MED13: variants seen among roughly 807,000 people sequenced by gnomAD.
MED13 encodes the protein mediator of RNA polymerase II transcription subunit 13.
In MED13, 23 loss-of-function variants were observed where a neutral mutation model predicts 225.2. That is an observed-to-expected ratio of 0.10 (90% CI 0.07 to 0.14). The LOEUF is 0.14. Among genes scored for constraint, MED13 ranks in the 10% least tolerant of loss-of-function variants. MED13 has a pLI of 1.00. For missense variants in MED13, 2,197 were observed against 2,594.5 expected, an observed-to-expected ratio of 0.85 and a Z score of 3.33; for synonymous variants, 942 against 889.2, an observed-to-expected ratio of 1.06 and a Z score of -1.06.
chr17:61,970,152 T>C (rs960882977), intron 17 of MED13, among the ~76,000 whole-genome samples: 1 of 152,212 alleles, frequency 6.6e-6, no homozygotes, highest in Non-Finnish European at 1.5e-5. Flanking sequence ...GCAGAAACTA[T>C]TATTAACTTC....
In MED13 at chr17:61,998,596, CT is replaced by C. The variant is rs58261678; in HGVS notation, c.1968-3232del. On this transcript the variant is annotated intron_variant, in intron 9 of 29. Coordinates refer to ENST00000397786, the MANE Select transcript of MED13 (RefSeq NM_005121.3). ...AATAATGTCAAAATCTTCCCACCGC[CT>C]TTTTTTTTTTTTTTTTTTTTTTGAG... 6.5e-3 allele frequency among the ~76,000 whole-genome samples: 751 copies of C among 115,532 alleles called. 2 individuals carry two copies. The highest frequency in any genetic ancestry group is 0.029 in the Middle Eastern group (6 of 210). The allele number at this position is 115,532 out of a possible 152,430, so 75.8% of individuals were successfully genotyped here. A position where few individuals can be genotyped will look rare whatever the true frequency, so the allele number is the denominator to read the frequency against.
rs148391388 is a variant in MED13, at chr17:61,943,848, A to T, written c.*2620T>A. 6.6e-6 allele frequency: 1 copy of T among 152,400 alleles called. No individual in the cohort carries two copies. Among genetic ancestry groups the T allele is most frequent in the Non-Finnish European group, 1.5e-5 (1 of 67,942 alleles). 9.4% of individuals were successfully genotyped at this position (152,400 alleles called of 1,614,324 possible). ...CTTAATAATCATGGATACCTGCACA[A>T]AAAAAAAGATGTTAGCACTGTAACA... On this transcript the variant is annotated 3_prime_UTR_variant, in exon 30 of 30. Transcript: ENST00000397786.
At chr17:62,010,338 A>G in intron 9 of MED13, 1 of 389,734 alleles carries the variant, frequency 2.6e-6, no homozygotes, top group Admixed American at 4.4e-5. Context: ...AAGTGTTTAC[A>G]CATTATTTTC....
intron 20 of MED13, among the ~76,000 whole-genome samples, chr17:61,963,197 T>C (rs754149383): frequency 1.5e-3 from 63 of 40,980 alleles, no homozygotes; most frequent in Non-Finnish European, 1.7e-3. Context: ...TTGCCTTAAA[T>C]TTACCAAAAA....
At chr17:61,948,213 A>T (rs2079866625) in intron 28 of MED13, among the ~76,000 whole-genome samples, 1 of 152,168 alleles carries the variant, frequency 6.6e-6, no homozygotes, top group Admixed American at 6.5e-5. Context: ...AATAAGATAT[A>T]TGAAAAAAAA....
At chr17:62,000,567 GA>G (rs1045596862) in intron 9 of MED13, among the ~76,000 whole-genome samples, 4 of 152,008 alleles carry the variant, frequency 2.6e-5, no homozygotes, top group African/African-American at 9.7e-5. Flanking sequence ...AATTAAGGTG[GA>G]AAAAAACCTA....
At chr17:61,954,754 G>T (rs2079927299) in intron 26 of MED13, among the ~76,000 whole-genome samples, 1 of 152,126 alleles carries the variant, frequency 6.6e-6, no homozygotes, top group Non-Finnish European at 1.5e-5. Flanking sequence ...TCCAGCTTGG[G>T]AGACAGAGTG....
At chr17:61,997,097 G>C (rs2143526467) in intron 9 of MED13, among the ~76,000 whole-genome samples, 1 of 152,230 alleles carries the variant, frequency 6.6e-6, no homozygotes, top group African/African-American at 2.4e-5. Flanking sequence ...TAGCAATGAA[G>C]GTATTTGCAG....
intron 16 of MED13, among the ~76,000 whole-genome samples, chr17:61,975,594 T>C (rs533858858): frequency 3.2e-3 from 490 of 152,278 alleles, no homozygotes; most frequent in Middle Eastern, 0.014. Context: ...TGGTGCATGC[T>C]TGTAATCCCA....
intron 8 of MED13, among the ~76,000 whole-genome samples, chr17:62,014,357 C>T (rs2080542409): frequency 6.7e-6 from 1 of 149,630 alleles, no homozygotes; most frequent in African/African-American, 2.5e-5. Flanking sequence ...CACTCTGTCA[C>T]CCAGGCTGGA....
At chr17:61,947,552 C>A (rs899993207) in intron 28 of MED13, among the ~76,000 whole-genome samples, 1 of 152,118 alleles carries the variant, frequency 6.6e-6, no homozygotes, top group African/African-American at 2.4e-5. Context: ...TTTATGACTA[C>A]GCAGACATAC....
intron 20 of MED13, among the ~76,000 whole-genome samples, chr17:61,963,202 C>CAAAAAAAAAAAAAAAAAAA (rs11290002): frequency 1.3e-4 from 7 of 55,768 alleles, no homozygotes; most frequent in African/African-American, 2.2e-4. Context: ...TTAAATTTAC[C>CAAAAAAAAAAAAAAAAAAA]AAAAAAAAAA....
intron 4 of MED13, 83 bp downstream of exon 4, chr17:62,035,377 CCAT>C (rs2080793581): frequency 8.9e-7 from 1 of 1,119,966 alleles, no homozygotes; most frequent in Non-Finnish European, 1.2e-6. Flanking sequence ...AGGGGGAATT[CCAT>C]CAATCCCCAA....
chr17:62,017,640 C>T (rs962022934), intron 8 of MED13, among the ~76,000 whole-genome samples: 2 of 152,168 alleles, frequency 1.3e-5, no homozygotes, highest in Admixed American at 6.6e-5. Context: ...AGCAACTGAA[C>T]ATGAATCAAA....
At chr17:61,979,275 A>C (rs1022498937) in intron 16 of MED13, among the ~76,000 whole-genome samples, 1 of 152,244 alleles carries the variant, frequency 6.6e-6, no homozygotes. Flanking sequence ...ATAACATTCC[A>C]TCTGTACTAT....
At chr17:62,050,518 C>T (rs2080947658) in intron 3 of MED13, among the ~76,000 whole-genome samples, 1 of 151,194 alleles carries the variant, frequency 6.6e-6, no homozygotes, top group South Asian at 2.1e-4. Flanking sequence ...AAAAAGTCCA[C>T]TAGATTAATC....
intron 8 of MED13, among the ~76,000 whole-genome samples, chr17:62,015,873 G>GTT (rs2080561767): frequency 1.1e-5 from 1 of 89,068 alleles, no homozygotes; most frequent in Non-Finnish European, 2.1e-5. Flanking sequence ...GTGTATGTGT[G>GTT]TGTGTATATA....
At position 62,011,099 on chromosome 17, in the gene MED13, A is replaced by G; in HGVS notation, c.1418T>C (p.Leu473Ser). ...EKSEKPQKRPLTPFHHRVSVS... is the reference protein window; with the variant it reads ...EKSEKPQKRPSTPFHHRVSVS... ...AGACACACGATGGTGAAAAGGAGTC[A>G]AGGGGCGTTTCTGTGGCTTTTCACT... The change falls in exon 9 of 30, where the codon TTG (leucine) becomes TCG (serine). Residue 473 changes from leucine (L) to serine (S), a missense_variant. Coordinates refer to ENST00000397786, the MANE Select transcript of MED13 (RefSeq NM_005121.3). 1 of 1,614,214 alleles carries G rather than the reference A, an allele frequency of 6.2e-7. No individual in the cohort carries two copies. Among genetic ancestry groups the G allele is most frequent in the Non-Finnish European group, 8.5e-7 (1 of 1,180,036 alleles).
chr17:62,022,175 AT>A (rs67759682), intron 8 of MED13, among the ~76,000 whole-genome samples: 42,807 of 103,860 alleles, frequency 0.41, 7,737 homozygotes, highest in East Asian at 0.75. Context: ...CAAAAAAAAA[AT>A]ATATATATAT....
Sources: gnomAD v4.1 joint callset for allele counts (sites outside exome capture counted in the v4.1 genomes callset) on GRCh38, gnomAD v4.1.1 for gene constraint, MANE v1.5 for transcripts, NCBI Gene and HGNC (gene_info 2026-07-23, HGNC 2026-07-21) for gene names.